PRKCH: variants seen among roughly 807,000 people sequenced by gnomAD.
The protein encoded by PRKCH is protein kinase C eta, also known as protein kinase C eta type.
In PRKCH, 28 loss-of-function variants were observed where a neutral mutation model predicts 82.5. That is an observed-to-expected ratio of 0.34 (90% CI 0.25 to 0.47). PRKCH has a LOEUF of 0.47. PRKCH is among the 20% of genes least tolerant of loss of function. PRKCH has a pLI of 1.00. For missense variants in PRKCH, 705 were observed against 881.8 expected (o/e 0.80, Z 2.54); for synonymous variants, 322 against 327.4 (o/e 0.98, Z 0.18).
chr14:61,280,224 C>T lies in PRKCH; in HGVS notation c.-19+92556C>T. 6.2e-7 allele frequency: 1 copy of T among 1,614,114 alleles called. No homozygotes were observed. The highest frequency in any genetic ancestry group is 1.1e-5 in the South Asian group (1 of 91,082). ...GGAAGGGGTTCTTGCCACCCATCCA[C>T]GAGATGCTGCTGAAGATGAGGAGCT... On this transcript the variant is annotated intron_variant, in intron 1 of 3. Coordinates refer to the PRKCH transcript ENST00000555185. This position sits in a 1 kb window ranked among gnomAD's most constrained non-coding sequence, Gnocchi z 5.0.
At chr14:61,541,963 A>G (rs943871306) in intron 12 of PRKCH, among the ~76,000 whole-genome samples, 9 of 152,214 alleles carry the variant, frequency 5.9e-5, no homozygotes, top group African/African-American at 2.2e-4. Flanking sequence ...TCTCTGTCCT[A>G]TTGTTAATGC....
intron 1 of PRKCH, among the ~76,000 whole-genome samples, chr14:61,361,995 ATC>A (rs2046230627): frequency 6.6e-6 from 1 of 152,174 alleles, no homozygotes; most frequent in South Asian, 2.1e-4. Flanking sequence ...GATAAAAAAG[ATC>A]TGTTTTAATA....
At chr14:61,282,986 G>A (rs1377847713) in intron 1 of PRKCH, among the ~76,000 whole-genome samples, 1 of 151,390 alleles carries the variant, frequency 6.6e-6, no homozygotes, top group Non-Finnish European at 1.5e-5. Flanking sequence ...TGAATCACTA[G>A]TCCACAAAAC....
intron 1 of PRKCH, among the ~76,000 whole-genome samples, chr14:61,382,347 T>C (rs2046523345): frequency 6.6e-6 from 1 of 152,170 alleles, no homozygotes; most frequent in African/African-American, 2.4e-5. Flanking sequence ...AGAGGTTGGC[T>C]TGAGCCCAGG....
chr14:61,196,205 T>C (rs552680466), intron 1 of PRKCH, among the ~76,000 whole-genome samples: 1 of 152,322 alleles, frequency 6.6e-6, no homozygotes, highest in African/African-American at 2.4e-5. Context: ...ACGACATCTA[T>C]AGATGTTTTG....
At chr14:61,272,752 T>C (rs1269560132) in intron 1 of PRKCH, among the ~76,000 whole-genome samples, 1 of 152,328 alleles carries the variant, frequency 6.6e-6, no homozygotes, top group East Asian at 1.9e-4. Flanking sequence ...CTGGGAGTCA[T>C]TGGAAAAGAA....
chr14:61,324,688 G>C (rs1272829458), intron 1 of PRKCH, among the ~76,000 whole-genome samples: 1 of 152,114 alleles, frequency 6.6e-6, no homozygotes, highest in Non-Finnish European at 1.5e-5. Context: ...TGAACTTGTG[G>C]CCTCAAGCCA....
intron 10 of PRKCH, among the ~76,000 whole-genome samples, chr14:61,502,286 C>T (rs977339190): frequency 3.9e-5 from 6 of 152,002 alleles, no homozygotes; most frequent in African/African-American, 4.8e-5. Flanking sequence ...TGGTCGCAAA[C>T]TCCTGACCTC....
intron 12 of PRKCH, among the ~76,000 whole-genome samples, chr14:61,538,607 A>G (rs1335940353): frequency 6.6e-6 from 1 of 152,254 alleles, no homozygotes; most frequent in East Asian, 1.9e-4. Context: ...CATCCCTGCC[A>G]GGAAGATAAA....
rs181159252 is a variant in PRKCH, at chr14:61,512,990, A to C, written c.1434-16085A>C. On this transcript the variant is annotated intron_variant, in intron 10 of 13. Transcript: ENST00000332981. ...CACCACCACACCCAGCTAGTTTTAA[A>C]AAAAATTTTATAGAGACAGGGTCTC... is the stretch of plus-strand genomic sequence containing the variant. 9.4e-4 allele frequency among the ~76,000 whole-genome samples: 143 copies of C among 152,238 alleles called. 1 individual carries two copies. The highest frequency in any genetic ancestry group is 3.2e-3 in the African/African-American group (134 of 41,484).
chr14:61,227,630 G>A (rs1184250153), intron 1 of PRKCH, among the ~76,000 whole-genome samples: 1 of 151,284 alleles, frequency 6.6e-6, no homozygotes, highest in Non-Finnish European at 1.5e-5. Flanking sequence ...AAAGATTGCA[G>A]TTGTGAGGGT....
chr14:61,259,759 A>G (rs1391447807), intron 1 of PRKCH, among the ~76,000 whole-genome samples: 1 of 152,202 alleles, frequency 6.6e-6, no homozygotes, highest in Non-Finnish European at 1.5e-5. Flanking sequence ...TAACTAGGGT[A>G]GTTCACTCAA....
intron 10 of PRKCH, among the ~76,000 whole-genome samples, chr14:61,521,608 C>T (rs1364512697): frequency 1.3e-5 from 2 of 151,580 alleles, no homozygotes; most frequent in Non-Finnish European, 2.9e-5. Context: ...CACTCTGTTG[C>T]CCAGGCTGGA....
intron 10 of PRKCH, among the ~76,000 whole-genome samples, chr14:61,518,008 C>T (rs1474548117): frequency 2.6e-5 from 4 of 152,164 alleles, no homozygotes; most frequent in South Asian, 2.1e-4. Flanking sequence ...GAAGCAAAGC[C>T]GACCCAGTGG....
intron 2 of PRKCH, among the ~76,000 whole-genome samples, chr14:61,407,133 G>A (rs760704615): frequency 6.6e-6 from 1 of 152,146 alleles, no homozygotes; most frequent in African/African-American, 2.4e-5. Flanking sequence ...TGTTAGAGTA[G>A]GGACTGATTT....
chr14:61,442,214 T>C (rs1020916150), intron 2 of PRKCH, among the ~76,000 whole-genome samples: 1 of 152,190 alleles, frequency 6.6e-6, no homozygotes, highest in Non-Finnish European at 1.5e-5. Context: ...GTATAATTAT[T>C]TGGAAGACAT....
chr14:61,287,204 T>TAAAA (rs35045657), intron 1 of PRKCH, among the ~76,000 whole-genome samples: 26 of 57,926 alleles, frequency 4.5e-4, no homozygotes, highest in African/African-American at 7.4e-4. Flanking sequence ...GACTCCGTCT[T>TAAAA]AAAAAAAAAA....
At chr14:61,359,547 A>G (rs2046196053) in intron 1 of PRKCH, among the ~76,000 whole-genome samples, 1 of 152,226 alleles carries the variant, frequency 6.6e-6, no homozygotes, top group Non-Finnish European at 1.5e-5. Context: ...GAGGAGTGTC[A>G]TACCACCATG....
intron 2 of PRKCH, among the ~76,000 whole-genome samples, chr14:61,435,557 C>G (rs1883635330): frequency 6.6e-6 from 1 of 152,122 alleles, no homozygotes; most frequent in Non-Finnish European, 1.5e-5. Flanking sequence ...GAAGCCGGAG[C>G]TGGCCAGGCA....
Sources: gnomAD v4.1 joint callset for allele counts (sites outside exome capture counted in the v4.1 genomes callset) on GRCh38, gnomAD v4.1.1 for gene constraint, Gnocchi (gnomAD v3.1) non-coding constraint, MANE v1.5 for transcripts, NCBI Gene and HGNC (gene_info 2026-07-23, HGNC 2026-07-21) for gene names.